Variants in CNKSR3 observed in about 807,000 individuals in gnomAD.
CNKSR3 encodes connector enhancer of kinase suppressor of ras 3.
A neutral mutation model predicts 67.7 loss-of-function variants in CNKSR3; 36 were observed. The ratio of observed to expected loss-of-function variants is 0.53; its 90% CI spans 0.41 to 0.70. The LOEUF is 0.70. CNKSR3 is among the 30% of genes least tolerant of loss of function. The pLI, the probability that CNKSR3 is intolerant of heterozygous loss-of-function variation, is 0.00. For synonymous variants in CNKSR3, 281 were observed against 271.4 expected, an observed-to-expected ratio of 1.04 and a Z score of -0.35; for missense variants, 630 against 695.2, an observed-to-expected ratio of 0.91 and a Z score of 1.05.
chr6:154,496,387 C>T (rs149156269), intron 1 of CNKSR3, among the ~76,000 whole-genome samples: 1 of 142,636 alleles, frequency 7.0e-6, no homozygotes, highest in East Asian at 2.1e-4. Flanking sequence ...CCCACATTTC[C>T]GTTTAAGGCT....
intron 4 of CNKSR3, among the ~76,000 whole-genome samples, chr6:154,438,270 T>C (rs1301361623): frequency 6.6e-6 from 1 of 152,104 alleles, no homozygotes; most frequent in East Asian, 1.9e-4. Context: ...ATTCCCTCCC[T>C]CTCTCTCCCC....
intron 7 of CNKSR3, among the ~76,000 whole-genome samples, 158 bp from the exon 8 acceptor site, chr6:154,423,141 A>G (rs1321138755): frequency 6.6e-6 from 1 of 152,232 alleles, no homozygotes; most frequent in Non-Finnish European, 1.5e-5. Context: ...TACACAGTCT[A>G]TAGGACCTTA....
At chr6:154,440,377 C>T (rs190983653) in intron 4 of CNKSR3, among the ~76,000 whole-genome samples, 5 of 152,254 alleles carry the variant, frequency 3.3e-5, no homozygotes, top group Middle Eastern at 3.4e-3. Context: ...CCAAGTGGGA[C>T]GTGAAAAAAC....
intron 1 of CNKSR3, among the ~76,000 whole-genome samples, chr6:154,451,748 T>C (rs1453941603): frequency 6.6e-6 from 1 of 152,218 alleles, no homozygotes; most frequent in African/African-American, 2.4e-5. Context: ...AAGAGTAGTT[T>C]TCTGATAACC....
Position 154,448,550 on chromosome 6 carries a change from G to C in CNKSR3, c.216+1545C>G, listed in dbSNP as rs1785757666. Among the ~76,000 whole-genome samples, 3 of 151,816 alleles carry C rather than the reference G, an allele frequency of 2.0e-5. No individual in the cohort carries two copies. In the South Asian group the frequency reaches 6.2e-4, roughly 31 times the overall value. On this transcript the variant is annotated intron_variant, in intron 2 of 12. Coordinates refer to ENST00000607772, the MANE Select transcript of CNKSR3 (RefSeq NM_173515.4). ...CATCTAAGGTGAGCGTTACTGTACA[G>C]ATGGGAAAAACAGACATCACCATTT...
At chr6:154,413,982 C>G (rs916831025) in intron 10 of CNKSR3, among the ~76,000 whole-genome samples, 2 of 152,028 alleles carry the variant, frequency 1.3e-5, no homozygotes, top group African/African-American at 4.8e-5. Flanking sequence ...CTCCTGAGCT[C>G]AAGTGATCTG....
At chr6:154,421,310 G>A (rs368070637) in intron 9 of CNKSR3, among the ~76,000 whole-genome samples, 1 of 152,086 alleles carries the variant, frequency 6.6e-6, no homozygotes, top group Admixed American at 6.6e-5. Context: ...CACCACACTC[G>A]GCCTCTCAGT....
chr6:154,501,219 G>C (rs1562359986), intron 1 of CNKSR3, among the ~76,000 whole-genome samples: 1 of 152,170 alleles, frequency 6.6e-6, no homozygotes, highest in African/African-American at 2.4e-5. Flanking sequence ...CACAAAGGCT[G>C]AAACTGCCAA....
intron 10 of CNKSR3, among the ~76,000 whole-genome samples, chr6:154,411,924 G>A (rs778248556): frequency 4.3e-4 from 66 of 152,198 alleles, no homozygotes; most frequent in Non-Finnish European, 7.8e-4. Context: ...CCAATGGAGA[G>A]TGATTCTTTT....
In CNKSR3 at chr6:154,406,403, G is replaced by A; in HGVS notation, c.1619C>T (p.Pro540Leu). 6.2e-7 allele frequency: 1 copy of A among 1,614,172 alleles called. No individual in the cohort carries two copies. The highest frequency in any genetic ancestry group is 1.7e-5 in the Admixed American group (1 of 60,020). ...CGTAAACCAGCTGACCAGGAGGGACGGTTCTGTGGACGAGGACTTCGTAGC... is the reference window on the plus strand; with the variant it reads ...CGTAAACCAGCTGACCAGGAGGGACAGTTCTGTGGACGAGGACTTCGTAGC... ...SSATKSSSTE[P>L]SLLVSWFTRL... The change falls in exon 13 of 13, where the codon CCG (proline) becomes CTG (leucine). Residue 540 changes from proline (P) to leucine (L), a missense_variant. Coordinates refer to ENST00000607772, the MANE Select transcript of CNKSR3 (RefSeq NM_173515.4).
rs776461586 is a variant in CNKSR3 at position 154,430,471 on chromosome 6, C to A, written c.669+1G>T. 2 of 1,606,708 alleles carry A rather than the reference C, an allele frequency of 1.2e-6. No homozygotes were observed. Among genetic ancestry groups the A allele is most frequent in the Admixed American group, 3.4e-5 (2 of 58,160 alleles). On this transcript the variant is annotated splice_donor_variant, in intron 6 of 12. Coordinates refer to ENST00000607772, the MANE Select transcript of CNKSR3 (RefSeq NM_173515.4). LOFTEE classifies it high-confidence loss of function. ...ATAAAACAAGTGTTATTAGAACTTA[C>A]CAGGCCTTCCCCAGGTTTAATGTTT...
At chr6:154,420,749 T>A (rs542517825) in intron 9 of CNKSR3, among the ~76,000 whole-genome samples, 10 of 150,396 alleles carry the variant, frequency 6.6e-5, no homozygotes, top group African/African-American at 2.4e-4. Context: ...GCTAAGTTGC[T>A]ATAACACTTG....
At chr6:154,495,356 CTTTTTT>C (rs149762490) in intron 1 of CNKSR3, among the ~76,000 whole-genome samples, 1 of 129,620 alleles carries the variant, frequency 7.7e-6, no homozygotes, top group Non-Finnish European at 1.6e-5. Flanking sequence ...GAATTCAACA[CTTTTTT>C]TTTTTTTTTT....
intron 1 of CNKSR3, among the ~76,000 whole-genome samples, chr6:154,484,721 T>A (rs998779751): frequency 8.9e-5 from 13 of 145,814 alleles, no homozygotes; most frequent in Admixed American, 8.8e-4. Context: ...AAAAAGATAC[T>A]CCTTGTCTCT....
intron 4 of CNKSR3, among the ~76,000 whole-genome samples, chr6:154,437,410 C>CTTTTTTTTTTT (rs10665656): frequency 9.8e-5 from 10 of 102,140 alleles, no homozygotes; most frequent in East Asian, 6.4e-4. Flanking sequence ...CACCTATGTT[C>CTTTTTTTTTTT]TTTTTTTTTT....
rs1052541672 is a variant in CNKSR3 at position 154,433,518 on chromosome 6, G to C, written c.508-11C>G. 1 of 1,581,028 alleles carries C rather than the reference G, an allele frequency of 6.3e-7. No homozygotes were observed. Among genetic ancestry groups the C allele is most frequent in the Non-Finnish European group, 8.6e-7 (1 of 1,156,478 alleles). ...CGCTACAAAGCAATCCTAAAGAAGG[G>C]GATGGAGAAAATGAATACTAAGTAC... is the stretch of plus-strand genomic sequence containing the variant. On this transcript the variant is annotated splice_polypyrimidine_tract_variant and intron_variant, in intron 4 of 12. Transcript: ENST00000607772.
At chr6:154,472,808 A>C (rs1448698578) in intron 1 of CNKSR3, among the ~76,000 whole-genome samples, 2 of 151,742 alleles carry the variant, frequency 1.3e-5, no homozygotes, top group Non-Finnish European at 2.9e-5. Flanking sequence ...AAAGGAAAAA[A>C]AAAAAAAAGC....
intron 1 of CNKSR3, among the ~76,000 whole-genome samples, chr6:154,483,417 C>T (rs1786605961): frequency 6.6e-6 from 1 of 152,120 alleles, no homozygotes; most frequent in Admixed American, 6.5e-5. Context: ...CCACGCACAA[C>T]CAACTTCACT....
intron 4 of CNKSR3, among the ~76,000 whole-genome samples, 163 bp downstream of exon 4, chr6:154,441,129 A>T: frequency 6.6e-6 from 1 of 151,590 alleles, no homozygotes; most frequent in East Asian, 1.9e-4. Flanking sequence ...CTTTACAATG[A>T]TCTAATTTAA....
Sources: allele counts gnomAD v4.1 joint callset (sites outside exome capture counted in the v4.1 genomes callset), GRCh38; gene constraint gnomAD v4.1.1; transcripts MANE v1.5; gene names NCBI Gene and HGNC (gene_info 2026-07-23, HGNC 2026-07-21).